The following MAP3K4 variants were observed in gnomAD, a reference collection of about 807,000 sequenced individuals.
The protein encoded by MAP3K4 is MAP three kinase 1.
Under a neutral mutation model 185.6 loss-of-function variants are expected in MAP3K4, and 67 were observed. That is an observed-to-expected ratio of 0.36 (90% CI 0.30 to 0.44). MAP3K4 has a LOEUF of 0.44. Ranked by LOEUF, MAP3K4 falls within the 20% of genes least tolerant of loss-of-function variation. The probability of loss-of-function intolerance (pLI) is 1.00; values close to 1 mark genes in which losing one functional copy is unlikely to be tolerated. For synonymous variants in MAP3K4, 702 were observed against 710.4 expected (o/e 0.99, Z 0.19); for missense variants, 1,551 against 1,995.1 (o/e 0.78, Z 4.24).
intron 1 of MAP3K4, among the ~76,000 whole-genome samples, chr6:161,002,220 G>A (rs1029939180): frequency 1.3e-5 from 2 of 151,950 alleles, no homozygotes; most frequent in Non-Finnish European, 2.9e-5. Context: ...GATTGTGATT[G>A]TTTAGGTTAA....
chr6:161,040,037 G>T (rs1562025), intron 2 of MAP3K4, among the ~76,000 whole-genome samples: 11,393 of 152,168 alleles, frequency 0.075, 547 homozygotes, highest in African/African-American at 0.14. Context: ...TGGTATGTGT[G>T]TTTTAATTTG....
intron 1 of MAP3K4, among the ~76,000 whole-genome samples, chr6:160,998,758 T>C (rs1257595330): frequency 1.3e-5 from 2 of 152,268 alleles, no homozygotes; most frequent in East Asian, 3.8e-4. Flanking sequence ...TGTGTTTAAA[T>C]GCTTTCCCCA....
intron 19 of MAP3K4, among the ~76,000 whole-genome samples, chr6:161,104,665 C>T (rs1464654587): frequency 6.9e-5 from 10 of 145,866 alleles, no homozygotes; most frequent in Admixed American, 4.2e-4. Flanking sequence ...GAACCAAGAT[C>T]GTGCCCCTGT....
chr6:161,064,486 G>A lies in MAP3K4; in HGVS notation c.1708-6122G>A, dbSNP rs918123018. Among the ~76,000 whole-genome samples the A allele has an allele frequency of 1.3e-5, 2 of 151,452 alleles. No homozygotes were observed. The highest frequency in any genetic ancestry group is 4.9e-5 in the African/African-American group (2 of 41,162). ...TTTTTACATTAAATTCTAGATAATT[G>A]GGTATGTTTCTGTGTTCTGATCTGT... is the stretch of plus-strand genomic sequence containing the variant. On this transcript the variant is annotated intron_variant, in intron 3 of 26. Coordinates refer to ENST00000392142, the MANE Select transcript of MAP3K4 (RefSeq NM_005922.4). The surrounding 1 kb of genome is among the most constrained non-coding windows in gnomAD (Gnocchi z 4.3).
At chr6:161,099,198 G>A (rs1001879481) in intron 17 of MAP3K4, among the ~76,000 whole-genome samples, 1 of 152,188 alleles carries the variant, frequency 6.6e-6, no homozygotes, top group Admixed American at 6.5e-5. Flanking sequence ...ATGTAGATTG[G>A]GGGTATGTGA....
rs1778097961 is a variant in MAP3K4 at position 161,106,882 on chromosome 6, T to C, written c.4048+177T>C. Among the ~76,000 whole-genome samples, 1 of 152,176 alleles carries C rather than the reference T, an allele frequency of 6.6e-6. No individual in the cohort carries two copies. The highest frequency in any genetic ancestry group is 1.5e-5 in the Non-Finnish European group (1 of 68,024). ...TTTTTTGGTTGTTTAATTTGTAAAA[T>C]GTATTCTAAGAGCAATACAAAATGA... is the stretch of plus-strand genomic sequence containing the variant. On this transcript the variant is annotated intron_variant, in intron 20 of 26. Coordinates refer to ENST00000392142, the MANE Select transcript of MAP3K4 (RefSeq NM_005922.4). The surrounding 1 kb of genome is among the most constrained non-coding windows in gnomAD (Gnocchi z 4.9).
At chr6:161,029,708 G>A (rs933616891) in intron 1 of MAP3K4, among the ~76,000 whole-genome samples, 8 of 152,060 alleles carry the variant, frequency 5.3e-5, no homozygotes, top group Non-Finnish European at 8.8e-5. Context: ...TGAACTGGTC[G>A]GCTGACCACA....
intron 3 of MAP3K4, among the ~76,000 whole-genome samples, chr6:161,069,543 C>T (rs768394962): frequency 5.9e-5 from 9 of 152,066 alleles, no homozygotes; most frequent in Non-Finnish European, 1.3e-4. Context: ...TCCATAGCAG[C>T]TCAAGTTGTT....
rs1030287739 is a variant in MAP3K4, at chr6:160,996,360, C to T, written c.152+4277C>T. Among the ~76,000 whole-genome samples the T allele has an allele frequency of 1.3e-5, 2 of 152,200 alleles. No homozygotes were observed. The highest frequency in any genetic ancestry group is 4.8e-5 in the African/African-American group (2 of 41,444). ...TTTAATTTTCTGTCATTGTTAGAGG[C>T]CACTCTGTTTCCTTCATGTATGCTC... On this transcript the variant is annotated intron_variant, in intron 1 of 26. Transcript: ENST00000392142. This position sits in a 1 kb window ranked among gnomAD's most constrained non-coding sequence, Gnocchi z 4.5.
chr6:161,012,722 C>A (rs1218542255), intron 1 of MAP3K4, among the ~76,000 whole-genome samples: 1 of 151,990 alleles, frequency 6.6e-6, no homozygotes, highest in Non-Finnish European at 1.5e-5. Context: ...TGAGAAAAGA[C>A]GTTGTGAAAG....
rs1053037434 is a variant in MAP3K4, at chr6:161,106,230, A to G, written c.3857-284A>G. Among the ~76,000 whole-genome samples, 4 of 152,192 alleles carry G rather than the reference A, an allele frequency of 2.6e-5. No homozygotes were observed. Among genetic ancestry groups the G allele is most frequent in the Non-Finnish European group, 5.9e-5 (4 of 68,028 alleles). Reference sequence around the variant, plus strand: ...GTGTGGAATGGAGAGAGGAGAAACTAGAGACATGTATATTACTGCAAGATT... The same window carrying G: ...GTGTGGAATGGAGAGAGGAGAAACTGGAGACATGTATATTACTGCAAGATT... On this transcript the variant is annotated intron_variant, in intron 19 of 26. Transcript: ENST00000392142. The surrounding 1 kb of genome is among the most constrained non-coding windows in gnomAD (Gnocchi z 4.9).
chr6:161,101,559 G>T lies in MAP3K4; in HGVS notation c.3675-333G>T, dbSNP rs932885026. The T allele has an allele frequency of 1.7e-5, 3 of 180,934 alleles. No individual in the cohort carries two copies. The highest frequency in any genetic ancestry group is 2.3e-5 in the Non-Finnish European group (2 of 87,374). The allele number at this position is 180,934 out of a possible 1,614,324, so 11.2% of individuals were successfully genotyped here. On this transcript the variant is annotated intron_variant, in intron 17 of 26. Coordinates refer to ENST00000392142, the MANE Select transcript of MAP3K4 (RefSeq NM_005922.4). The surrounding 1 kb of genome is among the most constrained non-coding windows in gnomAD (Gnocchi z 5.1). ...ATAAGACAAGGTTTTATGCAGGCAG[G>T]TGCTCTCAGGCTCGGGTGTTGGCTA...
chr6:161,085,137 C>T (rs899120984), intron 7 of MAP3K4, among the ~76,000 whole-genome samples: 26 of 106,410 alleles, frequency 2.4e-4, no homozygotes, highest in Non-Finnish European at 4.8e-4. Flanking sequence ...CAGAGCAAGA[C>T]TCCGTCTCAA....
chr6:161,069,407 A>T (rs1784836852), intron 3 of MAP3K4, among the ~76,000 whole-genome samples: 1 of 152,146 alleles, frequency 6.6e-6, no homozygotes, highest in East Asian at 1.9e-4. Context: ...GAGCATTTCC[A>T]GGTGGGGAGG....
At position 160,991,838 on chromosome 6, in the gene MAP3K4, C is replaced by G; in HGVS notation, c.-94C>G. ...TCCTGCGGCGGGGTAGAGGCGGAGG[C>G]GGAGTCGAGTCACTCCCGCACTTCG... On this transcript the variant is annotated 5_prime_UTR_variant, in exon 1 of 27. Coordinates refer to ENST00000392142, the MANE Select transcript of MAP3K4 (RefSeq NM_005922.4). The surrounding 1 kb of genome is among the most constrained non-coding windows in gnomAD (Gnocchi z 5.7). 7.5e-7 allele frequency: 1 copy of G among 1,340,372 alleles called. No homozygotes were observed. The highest frequency in any genetic ancestry group is 1.5e-5 in the African/African-American group (1 of 64,966). 83.0% of individuals were successfully genotyped at this position (1,340,372 alleles called of 1,614,324 possible). A position where few individuals can be genotyped will look rare whatever the true frequency, so the allele number is the denominator to read the frequency against.
chr6:161,079,433 C>T (rs1036500760), intron 5 of MAP3K4, among the ~76,000 whole-genome samples: 1 of 151,156 alleles, frequency 6.6e-6, no homozygotes, highest in Non-Finnish European at 1.5e-5. Context: ...CGAAATTAGC[C>T]AGTTGTGGTG....
intron 3 of MAP3K4, among the ~76,000 whole-genome samples, chr6:161,062,023 G>A (rs113361899): frequency 1.7e-4 from 26 of 152,098 alleles, no homozygotes; most frequent in African/African-American, 6.0e-4. Flanking sequence ...TTATACTTCT[G>A]TTTTTTAGTG....
chr6:161,050,446 A>G (rs947687292), intron 3 of MAP3K4, among the ~76,000 whole-genome samples: 7 of 152,208 alleles, frequency 4.6e-5, no homozygotes, highest in Admixed American at 4.6e-4. Context: ...ACTGTATTTT[A>G]AAGAGATGTA....
rs187079993 is a variant in MAP3K4 at position 161,075,488 on chromosome 6, A to G, written c.2097+1876A>G. On this transcript the variant is annotated intron_variant, in intron 5 of 26. Transcript: ENST00000392142. This position sits in a 1 kb window ranked among gnomAD's most constrained non-coding sequence, Gnocchi z 4.3. ...TATTTCTTATGTCAAAAAAATCTTTATCTTGAAAAGTTGTGGAAAAAAGCA... is the reference window on the plus strand; with the variant it reads ...TATTTCTTATGTCAAAAAAATCTTTGTCTTGAAAAGTTGTGGAAAAAAGCA... 2.6e-5 allele frequency among the ~76,000 whole-genome samples: 4 copies of G among 152,326 alleles called. No homozygotes were observed. In the East Asian group the frequency reaches 5.8e-4, roughly 22 times the overall value.
Sources: allele counts gnomAD v4.1 joint callset (sites outside exome capture counted in the v4.1 genomes callset), GRCh38; gene constraint gnomAD v4.1.1; non-coding constraint Gnocchi (gnomAD v3.1); transcripts MANE v1.5; gene names NCBI Gene and HGNC (gene_info 2026-07-23, HGNC 2026-07-21).